Variants in PIK3R3 observed in about 807,000 individuals in gnomAD.
PIK3R3 encodes the protein phosphatidylinositol 3-kinase regulatory subunit gamma.
A neutral mutation model predicts 62.9 loss-of-function variants in PIK3R3; 64 were observed. That is an observed-to-expected ratio of 1.02 (90% CI 0.83 to 1.25). PIK3R3 has a LOEUF of 1.25. Among genes scored for constraint, PIK3R3 ranks in the 50% most tolerant of loss-of-function variants. PIK3R3 has a pLI of 0.00. For missense variants in PIK3R3, 614 were observed against 561.6 expected (o/e 1.09, Z -0.94); for synonymous variants, 165 against 189.0 (o/e 0.87, Z 1.04).
chr1:46,126,008 C>T (rs1225694484), intron 1 of PIK3R3, among the ~76,000 whole-genome samples: 1 of 152,116 alleles, frequency 6.6e-6, no homozygotes, highest in Admixed American at 6.5e-5. Flanking sequence ...AATCCGCCTG[C>T]CTCGGCCTCC....
intron 1 of PIK3R3, among the ~76,000 whole-genome samples, chr1:46,125,479 C>T (rs1028348660): frequency 3.9e-5 from 6 of 152,154 alleles, no homozygotes; most frequent in African/African-American, 1.4e-4. Flanking sequence ...AACCTGTTAA[C>T]AGTAAGGATC....
At chr1:46,140,643 T>TA in the PIK3R3 span, among the ~76,000 whole-genome samples, 23,085 of 151,898 alleles carry the variant, frequency 0.15, 2,074 homozygotes, top group Middle Eastern at 0.2. Flanking sequence ...AAGACAGTAA[T>TA]AGAGATTGGA....
the PIK3R3 span, among the ~76,000 whole-genome samples, chr1:46,170,316 C>T: frequency 6.6e-6 from 1 of 152,110 alleles, no homozygotes; most frequent in Non-Finnish European, 1.5e-5. Flanking sequence ...TTGTATAATT[C>T]TGCTTTCTCT....
At chr1:46,160,703 C>T in the PIK3R3 span, among the ~76,000 whole-genome samples, 7 of 152,334 alleles carry the variant, frequency 4.6e-5, no homozygotes, top group African/African-American at 7.2e-5. Flanking sequence ...GGAGAGAGGG[C>T]GTCTGTCCCA....
Position 46,043,372 on chromosome 1 carries a change from C to G in PIK3R3, c.*301G>C. On this transcript the variant is annotated 3_prime_UTR_variant, in exon 10 of 10. Transcript: ENST00000262741. ...AACCCCACCCGCTATAACCATCAAG[C>G]CTAATATTCTGTTGAGGGTGTCTGG... 1 of 428,860 alleles carries G rather than the reference C, an allele frequency of 2.3e-6. No individual in the cohort carries two copies. The highest frequency in any genetic ancestry group is 4.3e-6 in the Non-Finnish European group (1 of 230,058). The allele number at this position is 428,860 out of a possible 1,614,324, so 26.6% of individuals were successfully genotyped here. A position where few individuals can be genotyped will look rare whatever the true frequency, so the allele number is the denominator to read the frequency against.
the PIK3R3 span, among the ~76,000 whole-genome samples, chr1:46,165,704 C>T: frequency 2.7e-4 from 40 of 149,162 alleles, 2 homozygotes; most frequent in African/African-American, 9.9e-4. Flanking sequence ...GTGTTGAAAC[C>T]CAGGTCTATT....
the PIK3R3 span, among the ~76,000 whole-genome samples, chr1:46,169,716 C>G: frequency 6.6e-6 from 1 of 152,184 alleles, no homozygotes; most frequent in South Asian, 2.1e-4. Context: ...CAAGGACAGA[C>G]AGCTGAGCAA....
At chr1:46,100,447 T>A (rs950256536) in intron 1 of PIK3R3, among the ~76,000 whole-genome samples, 4 of 152,316 alleles carry the variant, frequency 2.6e-5, no homozygotes, top group East Asian at 1.9e-4. Context: ...TTTCTTTATA[T>A]TCGGGGGTTC....
At chr1:46,045,616 G>GTTTTTTTTTTTTTTTTTTTTTT (rs1357786582) in intron 9 of PIK3R3, among the ~76,000 whole-genome samples, 1 of 16,532 alleles carries the variant, frequency 6.0e-5, no homozygotes. Context: ...ACAATTAAGT[G>GTTTTTTTTTTTTTTTTTTTTTT]CTTTTTTTTT....
intron 3 of PIK3R3, among the ~76,000 whole-genome samples, chr1:46,069,667 T>C (rs964745956): frequency 3.3e-5 from 5 of 152,080 alleles, no homozygotes; most frequent in Non-Finnish European, 4.4e-5. Context: ...GGGCTAAAGA[T>C]AGAAATTCAG....
intron 1 of PIK3R3, among the ~76,000 whole-genome samples, chr1:46,122,292 A>G (rs1654744480): frequency 6.6e-6 from 1 of 152,178 alleles, no homozygotes; most frequent in African/African-American, 2.4e-5. Context: ...AAGTGGTATA[A>G]TAACACACTG....
chr1:46,068,659 C>T (rs540756712), intron 3 of PIK3R3, among the ~76,000 whole-genome samples: 220 of 152,182 alleles, frequency 1.4e-3, no homozygotes, highest in Non-Finnish European at 2.2e-3. Context: ...CAGATATGTA[C>T]GGGAAGTTTC....
At chr1:46,163,468 G>A in the PIK3R3 span, among the ~76,000 whole-genome samples, 2 of 152,266 alleles carry the variant, frequency 1.3e-5, no homozygotes, top group Admixed American at 1.3e-4. Context: ...CACTTTTTGA[G>A]GTCCAAGGAC....
chr1:46,159,936 T>A, the PIK3R3 span, among the ~76,000 whole-genome samples: 1 of 152,104 alleles, frequency 6.6e-6, no homozygotes, highest in African/African-American at 2.4e-5. Context: ...TCTCCAGCCC[T>A]CTCTTCCTGA....
At chr1:46,107,140 G>T (rs1653291015) in intron 1 of PIK3R3, among the ~76,000 whole-genome samples, 1 of 152,074 alleles carries the variant, frequency 6.6e-6, no homozygotes. Flanking sequence ...TGGATCACTT[G>T]AGGTCAGGAA....
the PIK3R3 span, among the ~76,000 whole-genome samples, chr1:46,165,280 C>A: frequency 2.0e-5 from 3 of 151,442 alleles, no homozygotes; most frequent in African/African-American, 7.3e-5. Context: ...CCTCACAACA[C>A]CTAGGTATTT....
chr1:46,063,346 CT>C (rs1205920783), intron 5 of PIK3R3, among the ~76,000 whole-genome samples: 1 of 152,162 alleles, frequency 6.6e-6, no homozygotes, highest in Non-Finnish European at 1.5e-5. Context: ...AGGCTGGAAC[CT>C]TGTGATAGTC....
At chr1:46,158,133 C>T in the PIK3R3 span, among the ~76,000 whole-genome samples, 1 of 152,200 alleles carries the variant, frequency 6.6e-6, no homozygotes. Flanking sequence ...TTCTCACCCC[C>T]ATTCCTGCTG....
chr1:46,100,911 G>C (rs1472865233), intron 1 of PIK3R3, among the ~76,000 whole-genome samples: 2 of 152,132 alleles, frequency 1.3e-5, no homozygotes, highest in African/African-American at 2.4e-5. Context: ...TTGTAGGCCA[G>C]GAACTGTGGC....
Sources: gnomAD v4.1 joint callset for allele counts (sites outside exome capture counted in the v4.1 genomes callset) on GRCh38, gnomAD v4.1.1 for gene constraint, MANE v1.5 for transcripts, NCBI Gene and HGNC (gene_info 2026-07-23, HGNC 2026-07-21) for gene names.